The following NRXN3 variants were observed in gnomAD, a reference collection of about 807,000 sequenced individuals.
NRXN3 encodes neurexin III.
NRXN3 carries 32 observed loss-of-function variants against 137.6 expected under a neutral mutation model. The observed-to-expected ratio is 0.23, with a 90% CI of 0.18 to 0.31. The LOEUF (loss-of-function observed/expected upper bound fraction) is 0.31. NRXN3 is among the 10% of genes least tolerant of loss of function. NRXN3 has a pLI of 1.00. For synonymous variants in NRXN3, 798 were observed against 784.5 expected (o/e 1.02, Z -0.29); for missense variants, 1,574 against 2,062.5 (o/e 0.76, Z 4.59).
At chr14:79,435,573 A>T (rs150114346) in intron 15 of NRXN3, among the ~76,000 whole-genome samples, 1 of 147,124 alleles carries the variant, frequency 6.8e-6, no homozygotes, top group African/African-American at 2.5e-5. Flanking sequence ...ATTGGTTGGC[A>T]AGGATGTAGA....
At chr14:78,747,619 G>A (rs1202917155) in intron 8 of NRXN3, among the ~76,000 whole-genome samples, 3 of 152,132 alleles carry the variant, frequency 2.0e-5, no homozygotes, top group Admixed American at 1.3e-4. Context: ...CATCCCATCT[G>A]TATTTTTTCT....
chr14:78,554,749 G>A (rs1213930114), intron 4 of NRXN3, among the ~76,000 whole-genome samples: 1 of 152,138 alleles, frequency 6.6e-6, no homozygotes, highest in Non-Finnish European at 1.5e-5. Context: ...CGTGGTTGCT[G>A]ACATTTTAGC....
intron 8 of NRXN3, among the ~76,000 whole-genome samples, chr14:78,765,718 A>T (rs561795820): frequency 6.6e-6 from 1 of 150,480 alleles, no homozygotes; most frequent in Non-Finnish European, 1.5e-5. Flanking sequence ...TAAGTGAATA[A>T]ATGTTGATAT....
intron 19 of NRXN3, among the ~76,000 whole-genome samples, chr14:79,726,258 T>C (rs1182377826): frequency 1.3e-5 from 2 of 152,204 alleles, no homozygotes; most frequent in African/African-American, 4.8e-5. Context: ...TTTAAAATGT[T>C]TCTCTCCGAT....
intron 16 of NRXN3, among the ~76,000 whole-genome samples, chr14:79,587,541 T>C (rs1212941353): frequency 6.6e-6 from 1 of 152,240 alleles, no homozygotes; most frequent in Non-Finnish European, 1.5e-5. Flanking sequence ...AAATTTTTAC[T>C]CTTTCAAATA....
At chr14:79,681,661 G>C (rs1365503997) in intron 17 of NRXN3, among the ~76,000 whole-genome samples, 5 of 151,988 alleles carry the variant, frequency 3.3e-5, no homozygotes, top group Non-Finnish European at 7.4e-5. Context: ...GAACCCCAAG[G>C]GTGAAAAGAT....
At chr14:79,543,853 A>G (rs950932260) in intron 16 of NRXN3, among the ~76,000 whole-genome samples, 21 of 152,200 alleles carry the variant, frequency 1.4e-4, no homozygotes, top group African/African-American at 5.1e-4. Context: ...TTTCAAGAGA[A>G]GCCAACAGTC....
intron 1 of NRXN3, among the ~76,000 whole-genome samples, chr14:78,219,415 C>A (rs1053371606): frequency 4.6e-5 from 7 of 152,116 alleles, no homozygotes; most frequent in Admixed American, 4.6e-4. Context: ...ATCAGATAAA[C>A]ACAGAAGACC....
chr14:79,349,544 AT>A (rs1401085753), intron 15 of NRXN3, among the ~76,000 whole-genome samples: 4 of 97,800 alleles, frequency 4.1e-5, no homozygotes, highest in East Asian at 3.2e-4. Context: ...GGAAAAAAAA[AT>A]ACACACACAC....
At chr14:79,495,066 A>T (rs1163762935) in intron 16 of NRXN3, among the ~76,000 whole-genome samples, 1 of 152,136 alleles carries the variant, frequency 6.6e-6, no homozygotes, top group Non-Finnish European at 1.5e-5. Context: ...ACTCTAATTT[A>T]TGCATTGGAT....
At chr14:79,436,737 C>T (rs577302336) in intron 15 of NRXN3, among the ~76,000 whole-genome samples, 7 of 152,320 alleles carry the variant, frequency 4.6e-5, no homozygotes, top group Middle Eastern at 3.4e-3. Flanking sequence ...CATCCTTTTT[C>T]GCAACAGTGA....
Position 78,714,989 on chromosome 14 carries a change from G to A in NRXN3, c.1894G>A (p.Ala632Thr). The A allele has an allele frequency of 6.2e-7, 1 of 1,614,200 alleles. No individual in the cohort carries two copies. The highest frequency in any genetic ancestry group is 8.5e-7 in the Non-Finnish European group (1 of 1,180,034). Residue 632 changes from alanine (A) to threonine (T), a missense_variant, in exon 8 of 21, where the codon GCT becomes ACT. This residue lies in a region of NRXN3 where 718 missense variants were observed against 887.6 expected (regional missense o/e 0.81). Coordinates refer to ENST00000335750, the MANE Select transcript of NRXN3 (RefSeq NM_001330195.2). ...TCGACAGCTGGCAGAGATGCAGAAT[G>A]CTGCGGGTGTCAAGTCCTCCTGTTC... is the stretch of plus-strand genomic sequence containing the variant. ...NIRQLAEMQNAAGVKSSCSRM... is the reference protein window; with the variant it reads ...NIRQLAEMQNTAGVKSSCSRM...
At chr14:78,497,192 G>C (rs1599484740) in intron 4 of NRXN3, among the ~76,000 whole-genome samples, 1 of 152,090 alleles carries the variant, frequency 6.6e-6, no homozygotes, top group East Asian at 1.9e-4. Context: ...AGGGTATGTG[G>C]TGCCTAGGAA....
intron 2 of NRXN3, among the ~76,000 whole-genome samples, chr14:78,276,630 G>T (rs2073636171): frequency 6.6e-6 from 1 of 152,132 alleles, no homozygotes; most frequent in Non-Finnish European, 1.5e-5. Flanking sequence ...TAAATGATGG[G>T]TCCAAGGCCA....
chr14:78,790,021 A>T (rs2098800481), intron 8 of NRXN3, among the ~76,000 whole-genome samples: 1 of 152,186 alleles, frequency 6.6e-6, no homozygotes, highest in Admixed American at 6.6e-5. Context: ...CACATATTAG[A>T]TATTAGTCAT....
chr14:79,176,882 A>T (rs935046079), intron 15 of NRXN3, among the ~76,000 whole-genome samples: 3 of 152,208 alleles, frequency 2.0e-5, no homozygotes, highest in African/African-American at 7.2e-5. Flanking sequence ...TGCACCTATC[A>T]CTGGCTTCAT....
At chr14:78,452,490 C>T (rs1173574738) in intron 4 of NRXN3, among the ~76,000 whole-genome samples, 1 of 152,128 alleles carries the variant, frequency 6.6e-6, no homozygotes, top group Non-Finnish European at 1.5e-5. Flanking sequence ...AGATTTCATG[C>T]CTTAGGACTC....
chr14:79,488,385 ACTT>A (rs777757734), intron 16 of NRXN3, among the ~76,000 whole-genome samples: 3 of 152,144 alleles, frequency 2.0e-5, no homozygotes, highest in Admixed American at 6.5e-5. Context: ...CAACTCAAAT[ACTT>A]CTTCTTCCAA....
In NRXN3 at chr14:79,069,563, TAA is replaced by T. The variant is rs5809919; in HGVS notation, c.3262+81434_3262+81435del. On this transcript the variant is annotated intron_variant, in intron 15 of 20. Coordinates refer to ENST00000335750, the MANE Select transcript of NRXN3 (RefSeq NM_001330195.2). ...AGGGACTTGGGAGGTTGAAATTTTA[TAA>T]AAAAAAAAAAAGGTCAGAGAAAATA... Among the ~76,000 whole-genome samples, 191 of 146,264 alleles carry T rather than the reference TAA, an allele frequency of 1.3e-3. 1 individual carries two copies. The highest frequency in any genetic ancestry group is 3.6e-3 in the Admixed American group (53 of 14,658).
Sources: allele counts gnomAD v4.1 joint callset (sites outside exome capture counted in the v4.1 genomes callset), GRCh38; gene constraint gnomAD v4.1.1; regional missense constraint gnomAD v4.1.1; transcripts MANE v1.5; gene names NCBI Gene and HGNC (gene_info 2026-07-23, HGNC 2026-07-21).